PDE1C: variants seen among roughly 807,000 people sequenced by gnomAD.
PDE1C encodes phosphodiesterase 1C.
PDE1C carries 62 observed loss-of-function variants against 93.1 expected under a neutral mutation model. That is an observed-to-expected ratio of 0.67 (90% confidence interval 0.54 to 0.82). The LOEUF (loss-of-function observed/expected upper bound fraction) is 0.82, where lower values mean the gene tolerates loss of function less well. Among genes scored for constraint, PDE1C ranks in the 40% least tolerant of loss-of-function variants. The probability of loss-of-function intolerance (pLI) is 0.00; values close to 1 mark genes in which losing one functional copy is unlikely to be tolerated. For missense variants in PDE1C, 742 were observed against 884.6 expected (o/e 0.84, Z 2.04); for synonymous variants, 325 against 310.1 (o/e 1.05, Z -0.50).
At chr7:32,054,445 C>T (rs1049926952) in intron 1 of PDE1C, among the ~76,000 whole-genome samples, 13 of 152,136 alleles carry the variant, frequency 8.5e-5, no homozygotes, top group African/African-American at 2.9e-4. Flanking sequence ...ATGTAAGAGG[C>T]ATTCTAAGAT....
At chr7:32,143,701 T>G (rs1019309816) in intron 3 of PDE1C, among the ~76,000 whole-genome samples, 1 of 152,176 alleles carries the variant, frequency 6.6e-6, no homozygotes, top group Non-Finnish European at 1.5e-5. Flanking sequence ...AAATGTACTT[T>G]TTCTCTTTTA....
intron 2 of PDE1C, among the ~76,000 whole-genome samples, chr7:31,998,467 G>A (rs1184702066): frequency 6.6e-6 from 1 of 152,100 alleles, no homozygotes; most frequent in African/African-American, 2.4e-5. Flanking sequence ...ATTAATTCCT[G>A]CAAAGGAAAC....
chr7:32,375,578 T>C lies in PDE1C; in HGVS notation c.310+52244A>G, dbSNP rs149619162. On this transcript the variant is annotated intron_variant, in intron 1 of 1. Coordinates refer to the PDE1C transcript ENST00000672256. ...AGAAATGTTGCTAAACATCCCACAA[T>C]GCCTAGGACAGCTTCCACATCAAAG... is the stretch of plus-strand genomic sequence containing the variant. 7.0e-3 allele frequency among the ~76,000 whole-genome samples: 1,067 copies of C among 152,272 alleles called. 19 individuals are homozygous for C. Among genetic ancestry groups the C allele is most frequent in the African/African-American group, 0.024 (1,013 of 41,558 alleles).
At chr7:32,169,390 C>T (rs1181471494) in intron 3 of PDE1C, among the ~76,000 whole-genome samples, 1 of 152,144 alleles carries the variant, frequency 6.6e-6, no homozygotes, top group African/African-American at 2.4e-5. Flanking sequence ...AAACCTTCCC[C>T]CAGCAAGAGA....
intron 5 of PDE1C, among the ~76,000 whole-genome samples, chr7:31,877,079 T>C (rs561135859): frequency 3.9e-5 from 6 of 152,264 alleles, no homozygotes; most frequent in African/African-American, 1.2e-4. Flanking sequence ...AAGAAAACAA[T>C]GGCTTTAGCA....
intron 2 of PDE1C, among the ~76,000 whole-genome samples, chr7:31,978,494 C>A (rs1046010575): frequency 3.3e-5 from 5 of 152,178 alleles, no homozygotes; most frequent in African/African-American, 1.2e-4. Context: ...AGAAGTGGGT[C>A]TTCTAACTCA....
chr7:31,961,597 A>C (rs1238754306), intron 2 of PDE1C, among the ~76,000 whole-genome samples: 1 of 152,184 alleles, frequency 6.6e-6, no homozygotes, highest in Admixed American at 6.6e-5. Context: ...CGGGTTGATT[A>C]GACTGAGAAA....
chr7:31,911,676 G>A (rs190939613), intron 2 of PDE1C, among the ~76,000 whole-genome samples: 1 of 152,262 alleles, frequency 6.6e-6, no homozygotes, highest in Non-Finnish European at 1.5e-5. Flanking sequence ...TAAGCCAGGT[G>A]TGCATCATTT....
intron 12 of PDE1C, among the ~76,000 whole-genome samples, chr7:31,826,204 G>C (rs1180097517): frequency 6.6e-6 from 1 of 152,146 alleles, no homozygotes; most frequent in Non-Finnish European, 1.5e-5. Flanking sequence ...GGCATGTTTG[G>C]AAATGTATGA....
At chr7:32,023,636 C>T (rs1178039471) in intron 2 of PDE1C, among the ~76,000 whole-genome samples, 3 of 102,892 alleles carry the variant, frequency 2.9e-5, no homozygotes, top group Non-Finnish European at 2.5e-5. Context: ...GTTTATGCTG[C>T]GTGAGAAAAA....
At chr7:31,701,427 G>C in the PDE1C span, among the ~76,000 whole-genome samples, 1 of 152,218 alleles carries the variant, frequency 6.6e-6, no homozygotes, top group Non-Finnish European at 1.5e-5. Context: ...GCTTCTGATA[G>C]ATCAGCAAAG....
At chr7:32,092,753 CTA>C (rs1797541109) in intron 3 of PDE1C, among the ~76,000 whole-genome samples, 2 of 152,294 alleles carry the variant, frequency 1.3e-5, no homozygotes, top group Admixed American at 1.3e-4. Context: ...GGCACAAAAA[CTA>C]TAGTTTTGTA....
At position 32,340,488 on chromosome 7, in the gene PDE1C, G is replaced by A. The variant is rs76678851; in HGVS notation, c.310+87334C>T. Among the ~76,000 whole-genome samples, 308 of 152,222 alleles carry A rather than the reference G, an allele frequency of 2.0e-3. 8 individuals are homozygous for A. The East Asian group carries it at 0.054, about 27-fold the overall frequency. ...GGGGTAGATAAAGGTGGAGTGGAAC[G>A]CACAGCTATTTTTGTGAAGACTTTG... On this transcript the variant is annotated intron_variant, in intron 1 of 1. Transcript: ENST00000672256.
intron 2 of PDE1C, among the ~76,000 whole-genome samples, chr7:31,883,511 T>C (rs774964209): frequency 6.6e-6 from 1 of 152,252 alleles, no homozygotes; most frequent in Non-Finnish European, 1.5e-5. Flanking sequence ...CTATTTCTCA[T>C]ACAAACACTT....
chr7:31,644,613 A>T, the PDE1C span, among the ~76,000 whole-genome samples: 2 of 152,258 alleles, frequency 1.3e-5, no homozygotes, highest in South Asian at 2.1e-4. Context: ...TTAAAGGTGG[A>T]CCCTATAGTT....
chr7:31,925,629 C>T (rs1477343587), intron 2 of PDE1C, among the ~76,000 whole-genome samples: 1 of 152,046 alleles, frequency 6.6e-6, no homozygotes, highest in Non-Finnish European at 1.5e-5. Context: ...TAGGGTGTCT[C>T]TAGGGTGGAA....
the PDE1C span, among the ~76,000 whole-genome samples, chr7:31,739,344 G>T: frequency 4.6e-5 from 7 of 151,970 alleles, no homozygotes; most frequent in East Asian, 1.4e-3. Context: ...GAAAGGGTAG[G>T]GTGCAAGAGA....
chr7:32,243,231 G>A (rs1343294470), intron 1 of PDE1C, among the ~76,000 whole-genome samples: 2 of 152,202 alleles, frequency 1.3e-5, no homozygotes, highest in Non-Finnish European at 2.9e-5. Flanking sequence ...TTCAGAGACA[G>A]AGCTTTCTAC....
intron 1 of PDE1C, among the ~76,000 whole-genome samples, chr7:32,239,142 G>A (rs1410128279): frequency 6.6e-6 from 1 of 152,144 alleles, no homozygotes; most frequent in African/African-American, 2.4e-5. Flanking sequence ...TGGAAGGATC[G>A]CTTGTGCTCA....
Sources: allele counts gnomAD v4.1 joint callset (sites outside exome capture counted in the v4.1 genomes callset), GRCh38; gene constraint gnomAD v4.1.1; transcripts MANE v1.5; gene names NCBI Gene and HGNC (gene_info 2026-07-23, HGNC 2026-07-21).